Variants in MSRB3 observed in about 807,000 individuals in gnomAD.
The protein encoded by MSRB3 is methionine-R-sulfoxide reductase B3.
Under a neutral mutation model 21.0 loss-of-function variants are expected in MSRB3, and 13 were observed. The observed-to-expected ratio is 0.62, with a 90% CI of 0.40 to 0.98. The LOEUF (loss-of-function observed/expected upper bound fraction) is 0.98. Ranked by LOEUF, MSRB3 falls within the 50% of genes least tolerant of loss-of-function variation. The pLI is 0.00. For missense variants in MSRB3, 199 were observed against 230.3 expected (o/e 0.86, Z 0.88); for synonymous variants, 87 against 88.6 (o/e 0.98, Z 0.10).
At chr12:65,447,096 G>C (rs928897392) in intron 5 of MSRB3, among the ~76,000 whole-genome samples, 1 of 152,136 alleles carries the variant, frequency 6.6e-6, no homozygotes, top group Non-Finnish European at 1.5e-5. Flanking sequence ...AGGTATTCAG[G>C]GAACGCCAGG....
At chr12:65,328,959 A>G (rs1284634896) in intron 4 of MSRB3, among the ~76,000 whole-genome samples, 1 of 152,244 alleles carries the variant, frequency 6.6e-6, no homozygotes, top group East Asian at 1.9e-4. Context: ...ATTGGAACAT[A>G]ATGAAAAGTT....
chr12:65,451,937 C>T (rs1000297825), intron 5 of MSRB3, among the ~76,000 whole-genome samples: 3 of 152,140 alleles, frequency 2.0e-5, no homozygotes, highest in African/African-American at 7.2e-5. Flanking sequence ...TTAGACTCTG[C>T]CTTCAAGGTG....
intron 2 of MSRB3, among the ~76,000 whole-genome samples, chr12:65,316,902 T>C (rs541917257): frequency 6.6e-6 from 1 of 152,122 alleles, no homozygotes; most frequent in East Asian, 1.9e-4. Context: ...ATTGAAGGAA[T>C]GTGTAGATGT....
At chr12:65,370,261 G>A (rs1002148074) in intron 5 of MSRB3, among the ~76,000 whole-genome samples, 4 of 151,990 alleles carry the variant, frequency 2.6e-5, no homozygotes, top group Non-Finnish European at 5.9e-5. Context: ...AAAATAAGAC[G>A]AAAAATCTTT....
intron 1 of MSRB3, chr12:65,305,072 C>CT (rs772625838): frequency 0.049 from 6,962 of 141,276 alleles, 485 homozygotes; most frequent in African/African-American, 0.16. Context: ...TGTTATTTTT[C>CT]TTTTTTTTTT....
intron 4 of MSRB3, among the ~76,000 whole-genome samples, chr12:65,348,406 G>C (rs1392217322): frequency 2.0e-5 from 3 of 152,120 alleles, no homozygotes; most frequent in African/African-American, 7.2e-5. Flanking sequence ...ATGGTAGTTT[G>C]TATTTCTGTG....
intron 5 of MSRB3, among the ~76,000 whole-genome samples, chr12:65,428,599 G>A (rs796425136): frequency 2.1e-4 from 32 of 152,262 alleles, no homozygotes; most frequent in African/African-American, 7.2e-4. Context: ...TTTACAAACA[G>A]GAGTACGACA....
intron 5 of MSRB3, among the ~76,000 whole-genome samples, chr12:65,432,577 G>C (rs1236295238): frequency 6.6e-6 from 1 of 151,834 alleles, no homozygotes; most frequent in Non-Finnish European, 1.5e-5. Flanking sequence ...CTTTTTAGCA[G>C]ATGAAGATAG....
At chr12:65,324,754 A>G (rs1306480264) in intron 2 of MSRB3, among the ~76,000 whole-genome samples, 1 of 152,216 alleles carries the variant, frequency 6.6e-6, no homozygotes, top group Non-Finnish European at 1.5e-5. Context: ...CTCAAGGTAA[A>G]AAGGCAGAAA....
intron 5 of MSRB3, among the ~76,000 whole-genome samples, chr12:65,424,232 G>T: frequency 6.6e-6 from 1 of 151,016 alleles, no homozygotes. Flanking sequence ...ATCTACCTAA[G>T]GGTTTGTTGA....
intron 5 of MSRB3, among the ~76,000 whole-genome samples, chr12:65,397,605 T>G (rs755239262): frequency 5.9e-5 from 9 of 152,162 alleles, no homozygotes; most frequent in African/African-American, 2.2e-4. Flanking sequence ...TCTTTACTTC[T>G]TTTTCTTTTT....
rs576193603 is a variant in MSRB3 at position 65,361,075 on chromosome 12, AT to A, written c.264-7914del. Among the ~76,000 whole-genome samples, 28 of 151,026 alleles carry A rather than the reference AT, an allele frequency of 1.9e-4. No homozygotes were observed. In the South Asian group the frequency reaches 2.1e-3, roughly 11 times the overall value. On this transcript the variant is annotated intron_variant, in intron 4 of 6. Transcript: ENST00000308259. ...ATTCTTTCTTTTATAATATAGTGCT[AT>A]TTTTTTTTAAACTTAGCTTTACTAG... is the stretch of plus-strand genomic sequence containing the variant.
chr12:65,453,566 A>G (rs921436430), intron 5 of MSRB3, among the ~76,000 whole-genome samples, 162 bp from the exon 6 acceptor site: 4 of 152,234 alleles, frequency 2.6e-5, no homozygotes, highest in Non-Finnish European at 5.9e-5. Flanking sequence ...CTCTTGCAAA[A>G]TATATTTTCC....
chr12:65,434,756 A>G (rs1174696904), intron 5 of MSRB3, among the ~76,000 whole-genome samples: 2 of 151,960 alleles, frequency 1.3e-5, no homozygotes, highest in African/African-American at 4.8e-5. Flanking sequence ...GGAGGTTACT[A>G]TCATGTAAAT....
chr12:65,305,867 T>C (rs1298747175), intron 1 of MSRB3, among the ~76,000 whole-genome samples: 1 of 152,124 alleles, frequency 6.6e-6, no homozygotes, highest in Non-Finnish European at 1.5e-5. Flanking sequence ...TAAGAAGGAG[T>C]GGATATAAAT....
intron 5 of MSRB3, among the ~76,000 whole-genome samples, chr12:65,385,228 C>G (rs1019167927): frequency 6.6e-6 from 1 of 151,926 alleles, no homozygotes; most frequent in Non-Finnish European, 1.5e-5. Context: ...TGGATAAGAC[C>G]AAAGCAAAAA....
At chr12:65,319,588 T>C (rs1451964977) in intron 2 of MSRB3, among the ~76,000 whole-genome samples, 1 of 152,198 alleles carries the variant, frequency 6.6e-6, no homozygotes, top group East Asian at 1.9e-4. Flanking sequence ...TCTTTCCTGC[T>C]AAAATATGTG....
intron 5 of MSRB3, among the ~76,000 whole-genome samples, chr12:65,370,254 A>C (rs1268195031): frequency 1.3e-5 from 2 of 152,230 alleles, no homozygotes; most frequent in African/African-American, 4.8e-5. Context: ...ATGGCTCAAA[A>C]TAAGACGAAA....
chr12:65,463,636 A>G lies in MSRB3; in HGVS notation c.*314A>G. ...GCAGTTTTTCCCCCTTTGATTCAGA[A>G]GCAGAGGGTTCATGGTCTTCAAACA... On this transcript the variant is annotated 3_prime_UTR_variant, in exon 7 of 7. Transcript: ENST00000308259. The G allele has an allele frequency of 5.5e-6, 2 of 360,602 alleles. No homozygotes were observed. The highest frequency in any genetic ancestry group is 1.0e-5 in the Non-Finnish European group (2 of 191,680). The allele number at this position is 360,602 out of a possible 1,614,324, so 22.3% of individuals were successfully genotyped here.
Sources: gnomAD v4.1 joint callset for allele counts (sites outside exome capture counted in the v4.1 genomes callset) on GRCh38, gnomAD v4.1.1 for gene constraint, MANE v1.5 for transcripts, NCBI Gene and HGNC (gene_info 2026-07-23, HGNC 2026-07-21) for gene names.